CCND1: variants seen among roughly 807,000 people sequenced by gnomAD.
The protein encoded by CCND1 is cyclin D1.
A neutral mutation model predicts 26.1 loss-of-function variants in CCND1; 9 were observed. The ratio of observed to expected loss-of-function variants is 0.35; its 90% CI spans 0.21 to 0.60. The LOEUF is 0.60. Among genes scored for constraint, CCND1 ranks in the 20% least tolerant of loss-of-function variants. The probability of loss-of-function intolerance (pLI) is 0.79; values close to 1 mark genes in which losing one functional copy is unlikely to be tolerated. For missense variants in CCND1, 335 were observed against 392.9 expected, an observed-to-expected ratio of 0.85 and a Z score of 1.25; for synonymous variants, 194 against 166.1, an observed-to-expected ratio of 1.17 and a Z score of -1.29.
In CCND1 at chr11:69,641,341, G is replaced by T; in HGVS notation, c.28G>T (p.Val10Leu). 1 of 1,612,922 alleles carries T rather than the reference G, an allele frequency of 6.2e-7. No individual in the cohort carries two copies. Among genetic ancestry groups the T allele is most frequent in the Non-Finnish European group, 8.5e-7 (1 of 1,180,014 alleles). Residue 10 changes from valine (V) to leucine (L), a missense_variant, in exon 1 of 5, where the codon GTG (valine) becomes TTG (leucine). Val to Leu is a conservative substitution (Grantham distance 32, BLOSUM62 1). Coordinates refer to ENST00000227507, the MANE Select transcript of CCND1 (RefSeq NM_053056.3). MEHQLLCCE[V>L]ETIRRAYPDA... is the part of the protein sequence containing the mutation. ...GGAACACCAGCTCCTGTGCTGCGAA[G>T]TGGAAACCATCCGCCGCGCGTACCC... is the stretch of plus-strand genomic sequence containing the variant.
In CCND1 at chr11:69,651,477, C is replaced by A; in HGVS notation, c.*195C>A. 1 of 453,454 alleles carries A rather than the reference C, an allele frequency of 2.2e-6. No homozygotes were observed. Among genetic ancestry groups the A allele is most frequent in the Non-Finnish European group, 3.8e-6 (1 of 265,840 alleles). The allele number at this position is 453,454 out of a possible 1,614,324, so 28.1% of individuals were successfully genotyped here. A position where few individuals can be genotyped will look rare whatever the true frequency, so the allele number is the denominator to read the frequency against. Reference sequence around the variant, plus strand: ...ACTTAAGCAAAAGAAAAAGATTACCCAAAAACTGTCTTTAAAAGAGAGAGA... The same window carrying A: ...ACTTAAGCAAAAGAAAAAGATTACCAAAAAACTGTCTTTAAAAGAGAGAGA... On this transcript the variant is annotated 3_prime_UTR_variant, in exon 5 of 5. Coordinates refer to ENST00000227507, the MANE Select transcript of CCND1 (RefSeq NM_053056.3).
intron 4 of CCND1, among the ~76,000 whole-genome samples, chr11:69,649,320 TTG>T (rs1855826189): frequency 6.6e-6 from 1 of 152,210 alleles, no homozygotes; most frequent in South Asian, 2.1e-4. Flanking sequence ...CCCTGGGATG[TTG>T]CTGTCTTCGG....
At position 69,651,724 on chromosome 11, in the gene CCND1, CAT is replaced by C. The variant is rs781535069; in HGVS notation, c.*444_*445del. 112 of 234,868 alleles carry C rather than the reference CAT, an allele frequency of 4.8e-4. No individual in the cohort carries two copies. Among genetic ancestry groups the C allele is most frequent in the East Asian group, 7.2e-4 (12 of 16,596 alleles). 14.5% of individuals were successfully genotyped at this position (234,868 alleles called of 1,614,324 possible). A position where few individuals can be genotyped will look rare whatever the true frequency, so the allele number is the denominator to read the frequency against. ...AAAAAGCATAAAAACATTTTAAAAA[CAT>C]AGAAAAATTCAGCAAACCATTTTTA... is the stretch of plus-strand genomic sequence containing the variant. On this transcript the variant is annotated 3_prime_UTR_variant, in exon 5 of 5. Coordinates refer to ENST00000227507, the MANE Select transcript of CCND1 (RefSeq NM_053056.3).
rs1486252402 is a variant in CCND1, at chr11:69,641,333, G to C, written c.20G>C (p.Cys7Ser). Residue 7 changes from cysteine (C) to serine (S), a missense_variant, in exon 1 of 5, where the codon TGC becomes TCC. Physicochemically the swap from Cys to Ser is moderately radical, Grantham distance 112 (BLOSUM62 -1). Transcript: ENST00000227507. Reference protein sequence around the residue: MEHQLLCCEVETIRRAY... With the variant: MEHQLLSCEVETIRRAY... ...CCAGCCATGGAACACCAGCTCCTGTGCTGCGAAGTGGAAACCATCCGCCGC... is the reference window on the plus strand; with the variant it reads ...CCAGCCATGGAACACCAGCTCCTGTCCTGCGAAGTGGAAACCATCCGCCGC... 1.2e-6 allele frequency: 2 copies of C among 1,612,584 alleles called. No homozygotes were observed. The highest frequency in any genetic ancestry group is 4.5e-5 in the East Asian group (2 of 44,864).
intron 4 of CCND1, 57 bp from the exon 5 acceptor site, chr11:69,651,061 T>G (rs1467563000): frequency 3.3e-6 from 5 of 1,536,096 alleles, no homozygotes; most frequent in Middle Eastern, 1.7e-4. Flanking sequence ...GGGCCCTCGC[T>G]GCAGGCCCCT....
chr11:69,641,212 G>A lies in CCND1; in HGVS notation c.-102G>A. 1 of 1,170,436 alleles carries A rather than the reference G, an allele frequency of 8.5e-7. No homozygotes were observed. Among genetic ancestry groups the A allele is most frequent in the Non-Finnish European group, 1.3e-6 (1 of 798,246 alleles). The allele number at this position is 1,170,436 out of a possible 1,614,324, so 72.5% of individuals were successfully genotyped here. ...CAGAGTCCGCACGCTCCGGCGAGGG[G>A]CAGAAGAGCGCGAGGGAGCGCGGGG... On this transcript the variant is annotated 5_prime_UTR_variant, in exon 1 of 5. Transcript: ENST00000227507.
rs764070397 is a variant in CCND1, at chr11:69,653,158, C to T, written c.*1876C>T. On this transcript the variant is annotated 3_prime_UTR_variant, in exon 5 of 5. Coordinates refer to ENST00000227507, the MANE Select transcript of CCND1 (RefSeq NM_053056.3). ...AGGCTGACGTGTGAGGGAGGACAGG[C>T]GGGAGGAGGTGTGAGGAGGAGGCTC... The T allele has an allele frequency of 1.9e-4, 117 of 618,038 alleles. No individual in the cohort carries two copies. Among genetic ancestry groups the T allele is most frequent in the Non-Finnish European group, 3.1e-4 (108 of 346,308 alleles). The allele number at this position is 618,038 out of a possible 1,614,324, so 38.3% of individuals were successfully genotyped here.
At chr11:69,650,395 G>T (rs890600556) in intron 4 of CCND1, among the ~76,000 whole-genome samples, 6 of 152,240 alleles carry the variant, frequency 3.9e-5, no homozygotes, top group African/African-American at 1.4e-4. Context: ...CTTTCCCACT[G>T]ACAGTGTGGT....
chr11:69,643,855 CAA>C lies in CCND1; in HGVS notation c.439_440del (p.Lys147AlafsTer15). 6.2e-7 allele frequency: 1 copy of C among 1,611,052 alleles called. No homozygotes were observed. The highest frequency in any genetic ancestry group is 8.5e-7 in the Non-Finnish European group (1 of 1,177,942). Reference sequence around the variant, plus strand: ...AGCAAATGGAGCTGCTCCTGGTGAACAAGCTCAAGTGGAACCTGGCCGCAATG... The same window carrying C: ...AGCAAATGGAGCTGCTCCTGGTGAACGCTCAAGTGGAACCTGGCCGCAATG... ...LLQMELLLVNKLKWNLAAMTP... is the reference protein window; with the variant it reads ...LLQMELLLVNXLKWNLAAMTP... On this transcript the variant is annotated frameshift_variant, in exon 3 of 5. Transcript: ENST00000227507. LOFTEE classifies it high-confidence loss of function.
At chr11:69,650,484 G>A (rs750069948) in intron 4 of CCND1, among the ~76,000 whole-genome samples, 5 of 152,306 alleles carry the variant, frequency 3.3e-5, no homozygotes, top group East Asian at 1.9e-4. Context: ...CACTCCACCC[G>A]AGGGCGAGCA....
chr11:69,649,047 G>T (rs1855822591), intron 4 of CCND1, among the ~76,000 whole-genome samples: 1 of 152,216 alleles, frequency 6.6e-6, no homozygotes. Flanking sequence ...GTTGGCAGGG[G>T]CCTCCCTTCT....
chr11:69,643,565 G>GT, intron 2 of CCND1: 1 of 450,906 alleles, frequency 2.2e-6, no homozygotes, highest in Non-Finnish European at 3.9e-6. Flanking sequence ...GTTCCAGGTG[G>GT]TGGGAGGTCT....
At position 69,643,936 on chromosome 11, in the gene CCND1, G is replaced by A. The variant is rs2120094599; in HGVS notation, c.519G>A (p.Glu173=). Residue 173 remains glutamate, a synonymous_variant, in exon 3 of 5, where the codon GAG becomes GAA. Coordinates refer to ENST00000227507, the MANE Select transcript of CCND1 (RefSeq NM_053056.3). ...TCTCCAAAATGCCAGAGGCGGAGGA[G>A]AACAAACAGATCATCCGCAAACACG... ...HFLSKMPEAE[E]NKQIIRKHAQ... 1 of 1,613,530 alleles carries A rather than the reference G, an allele frequency of 6.2e-7. No homozygotes were observed. Among genetic ancestry groups the A allele is most frequent in the Non-Finnish European group, 8.5e-7 (1 of 1,180,008 alleles).
intron 3 of CCND1, among the ~76,000 whole-genome samples, chr11:69,644,424 C>T (rs968306111): frequency 6.6e-6 from 1 of 152,232 alleles, no homozygotes; most frequent in African/African-American, 2.4e-5. Flanking sequence ...GCTGGGCCAC[C>T]TGCCAGAGGC....
rs1166146218 is a variant in CCND1, at chr11:69,641,590, C to G, written c.198+79C>G. 15 of 1,315,256 alleles carry G rather than the reference C, an allele frequency of 1.1e-5. No individual in the cohort carries two copies. In the East Asian group the frequency reaches 2.1e-4, roughly 18 times the overall value. The allele number at this position is 1,315,256 out of a possible 1,614,324, so 81.5% of individuals were successfully genotyped here. A position where few individuals can be genotyped will look rare whatever the true frequency, so the allele number is the denominator to read the frequency against. On this transcript the variant is annotated intron_variant, in intron 1 of 4. Transcript: ENST00000227507. ...CCCACGTTTCTTTGCTACTCACCCCCCTCCCTTCTCTCCCGCTAGAACTTT... is the reference window on the plus strand; with the variant it reads ...CCCACGTTTCTTTGCTACTCACCCCGCTCCCTTCTCTCCCGCTAGAACTTT...
At chr11:69,642,894 G>C in intron 1 of CCND1, 137 bp from the exon 2 acceptor site, 1 of 462,632 alleles carries the variant, frequency 2.2e-6, no homozygotes, top group Admixed American at 4.5e-5. Context: ...ATCACGGGAA[G>C]CTCCTGCCGC....
chr11:69,642,430 G>A (rs1195316627), intron 1 of CCND1, among the ~76,000 whole-genome samples: 1 of 152,178 alleles, frequency 6.6e-6, no homozygotes, highest in African/African-American at 2.4e-5. Flanking sequence ...CGCCCAGGGG[G>A]AAGGGGGGGC....
chr11:69,642,966 T>G, intron 1 of CCND1, 65 bp from the exon 2 acceptor site: 1 of 1,258,124 alleles, frequency 7.9e-7, no homozygotes. Flanking sequence ...CGATGGGGGG[T>G]GCGGGGGCGT....
intron 3 of CCND1, among the ~76,000 whole-genome samples, chr11:69,644,352 C>T (rs188631047): frequency 2.6e-4 from 39 of 152,332 alleles, no homozygotes; most frequent in Non-Finnish European, 4.6e-4. Context: ...CCACCCACCT[C>T]CAGCCCTTCT....
Sources: allele counts gnomAD v4.1 joint callset (sites outside exome capture counted in the v4.1 genomes callset), GRCh38; gene constraint gnomAD v4.1.1; transcripts MANE v1.5; gene names NCBI Gene and HGNC (gene_info 2026-07-23, HGNC 2026-07-21).